The following EEPD1 variants were observed in gnomAD, a reference collection of about 807,000 sequenced individuals.
EEPD1 encodes endonuclease/exonuclease/phosphatase family domain-containing protein 1.
EEPD1 carries 17 observed loss-of-function variants against 46.3 expected under a neutral mutation model. The observed-to-expected ratio is 0.37, with a 90% CI of 0.25 to 0.55. The LOEUF is 0.55. Among genes scored for constraint, EEPD1 ranks in the 20% least tolerant of loss-of-function variants. The pLI is 0.83. For synonymous variants in EEPD1, 313 were observed against 315.6 expected (o/e 0.99, Z 0.09); for missense variants, 673 against 745.6 (o/e 0.90, Z 1.13).
intron 2 of EEPD1, among the ~76,000 whole-genome samples, chr7:36,178,346 T>C (rs950917090): frequency 5.3e-5 from 8 of 152,348 alleles, no homozygotes; most frequent in Non-Finnish European, 8.8e-5. Flanking sequence ...GAATTCTGAA[T>C]GAGAGCTGAA....
At chr7:36,156,618 G>T (rs765201626) in intron 2 of EEPD1, among the ~76,000 whole-genome samples, 1 of 152,154 alleles carries the variant, frequency 6.6e-6, no homozygotes. Flanking sequence ...TTTGGGAGGG[G>T]GGTGATGGAT....
intron 3 of EEPD1, among the ~76,000 whole-genome samples, chr7:36,264,624 C>A (rs11765494): frequency 0.47 from 70,695 of 151,952 alleles, 16,722 homozygotes; most frequent in Non-Finnish European, 0.51. Flanking sequence ...ATTTTTGTAA[C>A]CTGTCTCTCC....
intron 2 of EEPD1, among the ~76,000 whole-genome samples, chr7:36,215,503 C>T (rs142779403): frequency 1.1e-3 from 160 of 152,338 alleles, no homozygotes; most frequent in African/African-American, 2.5e-3. Context: ...CCCACACATC[C>T]GGAAGCTGAT....
intron 6 of EEPD1, among the ~76,000 whole-genome samples, chr7:36,288,943 T>G (rs909844112): frequency 6.6e-6 from 1 of 152,224 alleles, no homozygotes; most frequent in African/African-American, 2.4e-5. Flanking sequence ...GAGTTTGTAG[T>G]TGGAGGCTTG....
At chr7:36,215,457 A>T (rs1270476649) in intron 2 of EEPD1, among the ~76,000 whole-genome samples, 2 of 152,214 alleles carry the variant, frequency 1.3e-5, no homozygotes, top group Non-Finnish European at 2.9e-5. Context: ...CCTCTTTGTA[A>T]TGCAGATGCA....
At chr7:36,252,017 A>T (rs1014414440) in intron 3 of EEPD1, among the ~76,000 whole-genome samples, 4 of 152,208 alleles carry the variant, frequency 2.6e-5, no homozygotes, top group Admixed American at 1.3e-4. Context: ...TATCTAGGTC[A>T]GCTGAGCTGC....
At chr7:36,183,858 G>A (rs1485488566) in intron 2 of EEPD1, among the ~76,000 whole-genome samples, 1 of 119,806 alleles carries the variant, frequency 8.3e-6, no homozygotes, top group East Asian at 2.0e-4. Context: ...GTTTTATCCG[G>A]ATTATTCCTA....
intron 2 of EEPD1, among the ~76,000 whole-genome samples, chr7:36,215,490 A>C (rs565093201): frequency 6.6e-6 from 1 of 152,306 alleles, no homozygotes; most frequent in South Asian, 2.1e-4. Flanking sequence ...GGCCAACCAG[A>C]TCCCCACACA....
chr7:36,297,676 AGACATGCTATGAGGTG>A (rs1392252421), intron 7 of EEPD1, among the ~76,000 whole-genome samples: 1 of 152,246 alleles, frequency 6.6e-6, no homozygotes, highest in Non-Finnish European at 1.5e-5. Context: ...TGCAGTGTGT[AGACATGCTATGAGGTG>A]GACATGCTGT....
chr7:36,235,295 A>G (rs1211886697), intron 2 of EEPD1, among the ~76,000 whole-genome samples: 1 of 152,242 alleles, frequency 6.6e-6, no homozygotes, highest in African/African-American at 2.4e-5. Context: ...CATGTCAAAA[A>G]GGGGAAAATA....
intron 2 of EEPD1, among the ~76,000 whole-genome samples, chr7:36,165,355 T>C (rs1489194582): frequency 1.3e-5 from 2 of 150,256 alleles, no homozygotes; most frequent in African/African-American, 2.4e-5. Context: ...TCTAGGTCTG[T>C]GAAAGTCCAC....
intron 2 of EEPD1, among the ~76,000 whole-genome samples, chr7:36,191,714 G>A (rs1245101027): frequency 6.6e-6 from 1 of 152,240 alleles, no homozygotes; most frequent in Non-Finnish European, 1.5e-5. Context: ...CCCAGGAGGT[G>A]CAAATCTTCA....
chr7:36,258,043 T>C (rs926361401), intron 3 of EEPD1, among the ~76,000 whole-genome samples: 1 of 152,224 alleles, frequency 6.6e-6, no homozygotes. Context: ...GTTGATGCTA[T>C]TCCTTTCTGT....
At chr7:36,208,126 C>T (rs1309663233) in intron 2 of EEPD1, among the ~76,000 whole-genome samples, 2 of 152,112 alleles carry the variant, frequency 1.3e-5, no homozygotes. Flanking sequence ...TGGGCCTGGG[C>T]CAACAGGACC....
At chr7:36,171,698 C>G (rs1785085596) in intron 2 of EEPD1, among the ~76,000 whole-genome samples, 1 of 152,218 alleles carries the variant, frequency 6.6e-6, no homozygotes, top group South Asian at 2.1e-4. Context: ...GCTTCTTCCA[C>G]TTTCACAGTG....
At chr7:36,209,869 T>A (rs562796031) in intron 2 of EEPD1, among the ~76,000 whole-genome samples, 26 of 152,230 alleles carry the variant, frequency 1.7e-4, no homozygotes, top group African/African-American at 6.3e-4. Flanking sequence ...CCTCCAACAT[T>A]AGGGATCACA....
intron 2 of EEPD1, among the ~76,000 whole-genome samples, chr7:36,235,050 C>G (rs1460071034): frequency 6.7e-6 from 1 of 148,732 alleles, no homozygotes; most frequent in African/African-American, 2.5e-5. Flanking sequence ...GCCTCCAGCA[C>G]AGGTTTCCCC....
At chr7:36,179,466 A>G (rs1420187348) in intron 2 of EEPD1, among the ~76,000 whole-genome samples, 1 of 152,124 alleles carries the variant, frequency 6.6e-6, no homozygotes, top group Admixed American at 6.5e-5. Context: ...CACACCTGTA[A>G]TCCCAGCACT....
intron 3 of EEPD1, among the ~76,000 whole-genome samples, chr7:36,248,994 AACACACACAC>A (rs71553052): frequency 1.1e-4 from 15 of 135,420 alleles, no homozygotes; most frequent in East Asian, 2.2e-4. Flanking sequence ...TGGTTCATTA[AACACACACAC>A]ACACACACAC....
Sources: gnomAD v4.1 joint callset for allele counts (sites outside exome capture counted in the v4.1 genomes callset) on GRCh38, gnomAD v4.1.1 for gene constraint, MANE v1.5 for transcripts, NCBI Gene and HGNC (gene_info 2026-07-23, HGNC 2026-07-21) for gene names.